Variants in ADGRE1 observed in about 807,000 individuals in gnomAD.
The protein encoded by ADGRE1 is EGF-like module receptor 1.
Under a neutral mutation model 102.7 loss-of-function variants are expected in ADGRE1, and 82 were observed. The observed-to-expected ratio is 0.80, with a 90% CI of 0.67 to 0.96. The LOEUF (loss-of-function observed/expected upper bound fraction) is 0.96, where lower values mean the gene tolerates loss of function less well. Among genes scored for constraint, ADGRE1 ranks in the 40% least tolerant of loss-of-function variants. The pLI is 0.00. For synonymous variants in ADGRE1, 398 were observed against 399.6 expected, an observed-to-expected ratio of 1.00 and a Z score of 0.05; for missense variants, 1,032 against 1,085.3, an observed-to-expected ratio of 0.95 and a Z score of 0.69.
intron 1 of ADGRE1, among the ~76,000 whole-genome samples, chr19:6,888,295 G>A (rs1973221479): frequency 6.6e-6 from 1 of 152,180 alleles, no homozygotes; most frequent in African/African-American, 2.4e-5. Context: ...AATGTGGTCG[G>A]GAGTTATGTT....
intron 17 of ADGRE1, among the ~76,000 whole-genome samples, chr19:6,934,248 G>T (rs1975286724): frequency 6.6e-6 from 1 of 152,098 alleles, no homozygotes; most frequent in South Asian, 2.1e-4. Flanking sequence ...TTGGTTAGGG[G>T]TACCTATTGG....
chr19:6,926,584 C>T lies in ADGRE1; in HGVS notation c.2205C>T (p.Gly735=). The T allele has an allele frequency of 6.2e-7, 1 of 1,614,206 alleles. No individual in the cohort carries two copies. Among genetic ancestry groups the T allele is most frequent in the Non-Finnish European group, 8.5e-7 (1 of 1,180,038 alleles). The stretch of plus-strand genomic sequence containing the variant: ...TCTCTGCCAGTGTGCAGCCACAGGG[C>T]TATGGAATGCATAATCGGTGAGTGA... ...VVISASVQPQ[G]YGMHNRCWLN... The change falls in exon 16 of 21, where the codon GGC becomes GGT. Residue 735 remains glycine (G), a synonymous_variant. Coordinates refer to ENST00000312053, the MANE Select transcript of ADGRE1 (RefSeq NM_001974.5).
At position 6,901,947 on chromosome 19, in the gene ADGRE1, C is replaced by CT; in HGVS notation, c.589dup (p.Cys197LeufsTer8). 3 of 1,614,196 alleles carry CT rather than the reference C, an allele frequency of 1.9e-6. No individual in the cohort carries two copies. The highest frequency in any genetic ancestry group is 2.5e-6 in the Non-Finnish European group (3 of 1,180,034). Reference sequence around the variant, plus strand: ...TGTAATAACACTGTTGGAAACTACTCTTGTTTCTGCAACCCAGGATTTGAA... The same window carrying CT: ...TGTAATAACACTGTTGGAAACTACTCTTTGTTTCTGCAACCCAGGATTTGAA... On this transcript the variant is annotated frameshift_variant, in exon 6 of 21. Transcript: ENST00000312053. LOFTEE classifies it high-confidence loss of function.
chr19:6,922,612 T>TCA (rs770150909), intron 14 of ADGRE1, among the ~76,000 whole-genome samples: 16,761 of 122,918 alleles, frequency 0.14, 1,006 homozygotes, highest in Admixed American at 0.2. Context: ...AGACTCTGTC[T>TCA]CACACACACA....
intron 3 of ADGRE1, chr19:6,896,902 A>T: frequency 2.0e-6 from 1 of 508,926 alleles, no homozygotes; most frequent in Non-Finnish European, 3.4e-6. Context: ...GATTCCAAGG[A>T]TAAGCATCCC....
chr19:6,940,031 G>A lies in ADGRE1; in HGVS notation c.*2G>A, dbSNP rs767557543. ...TTCTTTTCTCTCTCACAGGGTTAAA[G>A]TCCTTTCTTGCTTTCAAATATGCTA... On this transcript the variant is annotated 3_prime_UTR_variant, in exon 21 of 21. Coordinates refer to ENST00000312053, the MANE Select transcript of ADGRE1 (RefSeq NM_001974.5). 5.7e-5 allele frequency: 92 copies of A among 1,613,714 alleles called. No homozygotes were observed. The highest frequency in any genetic ancestry group is 7.5e-5 in the Non-Finnish European group (88 of 1,179,926).
intron 6 of ADGRE1, among the ~76,000 whole-genome samples, chr19:6,902,374 A>G (rs1973795315): frequency 6.7e-6 from 1 of 148,424 alleles, no homozygotes; most frequent in Non-Finnish European, 1.5e-5. Flanking sequence ...CATGTTCTCA[A>G]CCCCTCCACT....
At chr19:6,908,264 A>G (rs1157780516) in intron 9 of ADGRE1, among the ~76,000 whole-genome samples, 1 of 152,220 alleles carries the variant, frequency 6.6e-6, no homozygotes, top group Non-Finnish European at 1.5e-5. Flanking sequence ...TAATATCTAT[A>G]GAAACAATGC....
rs1199451794 is a variant in ADGRE1 at position 6,916,233 on chromosome 19, C to T, written c.1301-16C>T. The stretch of plus-strand genomic sequence containing the variant: ...TTCTGGGTGACCTCATACGAACTCT[C>T]CCTTTCTCTTTTTAGACATTGAGAG... On this transcript the variant is annotated splice_polypyrimidine_tract_variant and intron_variant, in intron 11 of 20. Transcript: ENST00000312053. 1.2e-6 allele frequency: 2 copies of T among 1,608,770 alleles called. No homozygotes were observed. Among genetic ancestry groups the T allele is most frequent in the Non-Finnish European group, 1.7e-6 (2 of 1,177,184 alleles).
rs200819439 is a variant in ADGRE1, at chr19:6,922,609, GTC to G, written c.1791+729_1791+730del. Among the ~76,000 whole-genome samples, 695 of 91,134 alleles carry G rather than the reference GTC, an allele frequency of 7.6e-3. 2 individuals are homozygous for G. Among genetic ancestry groups the G allele is most frequent in the Middle Eastern group, 0.027 (4 of 148 alleles). The allele number at this position is 91,134 out of a possible 152,430, so 59.8% of individuals were successfully genotyped here. A position where few individuals can be genotyped will look rare whatever the true frequency, so the allele number is the denominator to read the frequency against. ...CAGCCTGGCAACAGAGTGAGACTCTGTCTCACACACACACACACACACACACA... is the reference window on the plus strand; with the variant it reads ...CAGCCTGGCAACAGAGTGAGACTCTGTCACACACACACACACACACACACA... On this transcript the variant is annotated intron_variant, in intron 14 of 20. Transcript: ENST00000312053.
At chr19:6,918,299 G>T (rs1974479480) in intron 12 of ADGRE1, among the ~76,000 whole-genome samples, 1 of 152,052 alleles carries the variant, frequency 6.6e-6, no homozygotes, top group Admixed American at 6.6e-5. Context: ...AAATTAGCTG[G>T]GTGTGGTCTC....
intron 2 of ADGRE1, among the ~76,000 whole-genome samples, chr19:6,893,049 A>G (rs528051153): frequency 6.6e-6 from 1 of 152,252 alleles, no homozygotes; most frequent in Non-Finnish European, 1.5e-5. Flanking sequence ...GATAATGATG[A>G]TGATGATTTT....
intron 1 of ADGRE1, among the ~76,000 whole-genome samples, chr19:6,888,807 C>T (rs1973237867): frequency 1.3e-5 from 2 of 152,146 alleles, no homozygotes; most frequent in Non-Finnish European, 1.5e-5. Context: ...TGGCAGGCTA[C>T]ATTAGAAGAA....
chr19:6,930,390 G>C (rs754366904), intron 17 of ADGRE1, among the ~76,000 whole-genome samples: 55 of 152,094 alleles, frequency 3.6e-4, no homozygotes, highest in African/African-American at 1.3e-3. Flanking sequence ...TCTCACTCAT[G>C]GTGGCTCATT....
chr19:6,940,013 C>A lies in ADGRE1; in HGVS notation c.2656-11C>A. Reference sequence around the variant, plus strand: ...CTGCAGACTCTGAGGAAATTCTTTTCTCTCTCACAGGGTTAAAGTCCTTTC... The same window carrying A: ...CTGCAGACTCTGAGGAAATTCTTTTATCTCTCACAGGGTTAAAGTCCTTTC... On this transcript the variant is annotated splice_polypyrimidine_tract_variant and intron_variant, in intron 20 of 20. Coordinates refer to ENST00000312053, the MANE Select transcript of ADGRE1 (RefSeq NM_001974.5). 6.2e-7 allele frequency: 1 copy of A among 1,613,878 alleles called. No homozygotes were observed. The highest frequency in any genetic ancestry group is 8.5e-7 in the Non-Finnish European group (1 of 1,179,898).
intron 14 of ADGRE1, among the ~76,000 whole-genome samples, chr19:6,922,445 T>C (rs1209775280): frequency 1.3e-5 from 2 of 151,076 alleles, no homozygotes; most frequent in Non-Finnish European, 3.0e-5. Flanking sequence ...GAAACCCCCG[T>C]CTCTACTAAG....
intron 12 of ADGRE1, among the ~76,000 whole-genome samples, chr19:6,918,609 T>C (rs1287279943): frequency 1.3e-5 from 2 of 152,184 alleles, no homozygotes; most frequent in African/African-American, 4.8e-5. Flanking sequence ...CCAAAGAGAC[T>C]GAAACAGAAT....
chr19:6,900,571 C>T (rs908009973), intron 5 of ADGRE1, among the ~76,000 whole-genome samples: 2 of 152,168 alleles, frequency 1.3e-5, no homozygotes, highest in East Asian at 1.9e-4. Flanking sequence ...GCAGCAGCCT[C>T]CTCTCTAGTC....
At chr19:6,890,904 A>T (rs556128495) in intron 2 of ADGRE1, among the ~76,000 whole-genome samples, 46 of 152,216 alleles carry the variant, frequency 3.0e-4, no homozygotes, top group African/African-American at 1.1e-3. Flanking sequence ...GATGGAATTT[A>T]CTCAAACTAC....
Sources: gnomAD v4.1 joint callset for allele counts (sites outside exome capture counted in the v4.1 genomes callset) on GRCh38, gnomAD v4.1.1 for gene constraint, MANE v1.5 for transcripts, NCBI Gene and HGNC (gene_info 2026-07-23, HGNC 2026-07-21) for gene names.